The following TTN variants were observed in gnomAD, a reference collection of about 807,000 sequenced individuals.
TTN encodes connectin.
In TTN, 1,525 loss-of-function variants were observed where a neutral mutation model predicts 3,223.0. That is an observed-to-expected ratio of 0.47 (90% CI 0.45 to 0.49). The LOEUF is 0.49. Ranked by LOEUF, TTN falls within the 20% of genes least tolerant of loss-of-function variation. TTN has a pLI of 0.00. For synonymous variants in TTN, 14,094 were observed against 15,161.0 expected, an observed-to-expected ratio of 0.93 and a Z score of 5.17; for missense variants, 40,786 against 43,424.0, an observed-to-expected ratio of 0.94 and a Z score of 5.40.
Position 178,647,045 on chromosome 2 carries a change from T to G in TTN, c.40222+19A>C. The G allele has an allele frequency of 1.3e-6, 1 of 790,732 alleles. No homozygotes were observed. Among genetic ancestry groups the G allele is most frequent in the Non-Finnish European group, 1.7e-6 (1 of 589,444 alleles). 49.0% of individuals were successfully genotyped at this position (790,732 alleles called of 1,614,324 possible). ...CTTCAGGAGATTAAAAAAATGTATATATATATATATATATATACCTTCAAC... is the reference window on the plus strand; with the variant it reads ...CTTCAGGAGATTAAAAAAATGTATAGATATATATATATATATACCTTCAAC... On this transcript the variant is annotated intron_variant, in intron 215 of 362. Coordinates refer to ENST00000589042, the MANE Select transcript of TTN (RefSeq NM_001267550.2).
chr2:178,654,657 T>C, intron 191 of TTN, 88 bp downstream of exon 191: 1 of 548,938 alleles, frequency 1.8e-6, no homozygotes. Flanking sequence ...AATTATATCA[T>C]CTTTATGTAG....
At chr2:178,771,711 G>A (rs1023526899) in intron 33 of TTN, among the ~76,000 whole-genome samples, 3 of 152,122 alleles carry the variant, frequency 2.0e-5, no homozygotes, top group Non-Finnish European at 4.4e-5. Flanking sequence ...AAAAATAACT[G>A]TTGAATTAAT....
At position 178,734,616 on chromosome 2, in the gene TTN, C is replaced by T; in HGVS notation, c.15218-10G>A. 6.4e-7 allele frequency: 1 copy of T among 1,560,210 alleles called. No individual in the cohort carries two copies. On this transcript the variant is annotated splice_polypyrimidine_tract_variant and intron_variant, in intron 51 of 362. Coordinates refer to ENST00000589042, the MANE Select transcript of TTN (RefSeq NM_001267550.2). The stretch of plus-strand genomic sequence containing the variant: ...ATGAAAGAAGGAGGTTCTACAAAAG[C>T]ATGAAAGCATTGTGTAAGTAATGGG...
At chr2:178,650,313 A>C in intron 209 of TTN, 42 bp from the exon 210 acceptor site, 1 of 1,476,728 alleles carries the variant, frequency 6.8e-7, no homozygotes, top group Non-Finnish European at 9.2e-7. Flanking sequence ...GTATGGAACA[A>C]TATTCTAAGA....
In TTN at chr2:178,577,119, A is replaced by C. The variant is rs374117511; in HGVS notation, c.69216T>G (p.Ile23072Met). The C allele has an allele frequency of 1.7e-5, 27 of 1,613,070 alleles. No individual in the cohort carries two copies. Among genetic ancestry groups the C allele is most frequent in the Non-Finnish European group, 1.9e-5 (23 of 1,179,546 alleles). Residue 23072 changes from isoleucine to methionine, a missense_variant, in exon 324 of 363, where the codon ATT (isoleucine) becomes ATG (methionine). Coordinates refer to ENST00000589042, the MANE Select transcript of TTN (RefSeq NM_001267550.2). ...CTCTCTTTTCAAGTATATAGGACTTAATTGGTGAGCCGCCATCTTCCAAGG... is the reference window on the plus strand; with the variant it reads ...CTCTCTTTTCAAGTATATAGGACTTCATTGGTGAGCCGCCATCTTCCAAGG... The part of the protein sequence containing the change: ...TPPLEDGGSP[I>M]KSYILEKRET...
rs557142148 is a variant in TTN at position 178,615,074 on chromosome 2, T to C, written c.48639-106A>G. The C allele has an allele frequency of 1.9e-5, 20 of 1,074,672 alleles. No individual in the cohort carries two copies. The East Asian group carries it at 4.9e-4, about 26-fold the overall frequency. The allele number at this position is 1,074,672 out of a possible 1,614,324, so 66.6% of individuals were successfully genotyped here. ...TCAAACCCCTGGTATAATACTAGTC[T>C]TTAAATTAAACCTGGATTACTTCAA... On this transcript the variant is annotated intron_variant, in intron 259 of 362. Transcript: ENST00000589042.
chr2:178,684,585 G>T, intron 131 of TTN, 81 bp downstream of exon 131: 1 of 1,466,174 alleles, frequency 6.8e-7, no homozygotes, highest in Non-Finnish European at 9.4e-7. Flanking sequence ...CATATAAACA[G>T]TATGACCCAA....
rs1171386609 is a variant in TTN, at chr2:178,605,135, A to G, written c.54042T>C (p.Leu18014=). The change falls in exon 280 of 363, where the codon CTT becomes CTC. Residue 18014 remains leucine (L), a synonymous_variant. Transcript: ENST00000589042. ...ETVIEKPTDA[L]QITKEEVSRS... The stretch of plus-strand genomic sequence containing the variant: ...GGGATACCTCTTCCTTGGTTATCTG[A>G]AGTGCATCAGTGGGTTTTTCAATTA... 3.1e-6 allele frequency: 5 copies of G among 1,612,534 alleles called. No homozygotes were observed. Among genetic ancestry groups the G allele is most frequent in the Non-Finnish European group, 4.2e-6 (5 of 1,179,172 alleles).
rs1323161898 is a variant in TTN, at chr2:178,561,018, C to T, written c.85114G>A (p.Gly28372Arg). ...TCTGCATTTATCTTAAGGACCTCTC[C>T]AGCTTTGACAACAATAACGTCTCGG... ...KFRDVIVVKA[G>R]EVLKINADIA... The change falls in exon 326 of 363, where the codon GGA (glycine) becomes AGA (arginine). Residue 28372 changes from glycine (G) to arginine (R), a missense_variant. Coordinates refer to ENST00000589042, the MANE Select transcript of TTN (RefSeq NM_001267550.2). 1 of 1,613,860 alleles carries T rather than the reference C, an allele frequency of 6.2e-7. No individual in the cohort carries two copies. The highest frequency in any genetic ancestry group is 1.1e-5 in the South Asian group (1 of 91,076).
In TTN at chr2:178,750,170, C is replaced by T. The variant is rs536436853; in HGVS notation, c.11311+2954G>A. On this transcript the variant is annotated intron_variant, in intron 47 of 362. Coordinates refer to ENST00000589042, the MANE Select transcript of TTN (RefSeq NM_001267550.2). ...TTTTAACAAATGAAGATTTGTTTGG[C>T]CCTCTTGACTCATAGATGGATGGGC... is the stretch of plus-strand genomic sequence containing the variant. 1.9e-6 allele frequency: 3 copies of T among 1,613,108 alleles called. No homozygotes were observed. Among genetic ancestry groups the T allele is most frequent in the African/African-American group, 1.3e-5 (1 of 74,952 alleles).
chr2:178,564,235 G>A lies in TTN; in HGVS notation c.81897C>T (p.Ile27299=), dbSNP rs786205376. Residue 27299 remains isoleucine (I), a synonymous_variant, in exon 326 of 363, where the codon ATC becomes ATT. Coordinates refer to ENST00000589042, the MANE Select transcript of TTN (RefSeq NM_001267550.2). ...CAACATCAGGTATAGGTTTGCCACGGATGTCGGCTTCAAGAACAAAAGTCT... is the reference window on the plus strand; with the variant it reads ...CAACATCAGGTATAGGTTTGCCACGAATGTCGGCTTCAAGAACAAAAGTCT... ...AGETFVLEAD[I]RGKPIPDVVW... The A allele has an allele frequency of 1.2e-6, 2 of 1,613,258 alleles. No individual in the cohort carries two copies. The highest frequency in any genetic ancestry group is 1.7e-5 in the Admixed American group (1 of 60,004).
chr2:178,547,369 T>C (rs1286965216), intron 339 of TTN, 38 bp downstream of exon 339: 1 of 1,579,188 alleles, frequency 6.3e-7, no homozygotes, highest in South Asian at 1.2e-5. Context: ...AAACATTTAA[T>C]AATAGAGACT....
At position 178,711,133 on chromosome 2, in the gene TTN, G is replaced by T. The variant is rs1299434800; in HGVS notation, c.28103C>A (p.Ala9368Glu). The T allele has an allele frequency of 6.2e-6, 10 of 1,613,834 alleles. No individual in the cohort carries two copies. The highest frequency in any genetic ancestry group is 8.5e-6 in the Non-Finnish European group (10 of 1,179,788). Residue 9368 changes from alanine (A) to glutamate (E), a missense_variant, in exon 97 of 363, where the codon GCA becomes GAA. By Grantham distance (107) the Ala-to-Glu change is moderately radical. Coordinates refer to ENST00000589042, the MANE Select transcript of TTN (RefSeq NM_001267550.2). ...LNIFKTDRSL[A>E]GQYSCTATNP... ...TGTAGCTGTGCAGGAATACTGGCCTGCAAGGCTCCGGTCAGTTTTAAAAAT... is the reference window on the plus strand; with the variant it reads ...TGTAGCTGTGCAGGAATACTGGCCTTCAAGGCTCCGGTCAGTTTTAAAAAT...
intron 142 of TTN, 121 bp downstream of exon 142, chr2:178,679,218 G>A (rs2068764652): frequency 2.0e-6 from 2 of 1,023,622 alleles, no homozygotes; most frequent in Non-Finnish European, 2.9e-6. Flanking sequence ...CAGTTGAGAG[G>A]CGCTTGTCAT....
rs397517484 is a variant in TTN at position 178,731,558 on chromosome 2, G to A, written c.17208C>T (p.Ile5736=). 5.0e-6 allele frequency: 8 copies of A among 1,607,756 alleles called. No individual in the cohort carries two copies. The highest frequency in any genetic ancestry group is 2.2e-5 in the East Asian group (1 of 44,662). Residue 5736 remains isoleucine, a synonymous_variant, in exon 59 of 363, where the codon ATC becomes ATT. Transcript: ENST00000589042. ...LREPPSFIKK[I]ESTSSLRGGT... ...CTCCCCGGAGGGAGCTGGTACTCTCGATCTTCTTTATGAAGGATGGGGGTT... is the reference window on the plus strand; with the variant it reads ...CTCCCCGGAGGGAGCTGGTACTCTCAATCTTCTTTATGAAGGATGGGGGTT...
intron 43 of TTN, 26 bp downstream of exon 43, chr2:178,764,151 A>G: frequency 1.9e-6 from 3 of 1,614,088 alleles, no homozygotes; most frequent in Non-Finnish European, 2.5e-6. Context: ...AGTATTGGCA[A>G]TGACACCTTT....
chr2:178,595,472 A>C, intron 295 of TTN, 35 bp downstream of exon 295: 1 of 1,531,476 alleles, frequency 6.5e-7, no homozygotes, highest in Non-Finnish European at 8.8e-7. Flanking sequence ...TGAGTAAAGA[A>C]GTGATTAAGT....
Position 178,616,640 on chromosome 2 carries a change from A to T in TTN, c.48161-10T>A. On this transcript the variant is annotated splice_polypyrimidine_tract_variant and intron_variant, in intron 256 of 362. Coordinates refer to ENST00000589042, the MANE Select transcript of TTN (RefSeq NM_001267550.2). Reference sequence around the variant, plus strand: ...GGTGCACTTGGGCGAGCTGAAAAAAAATGCACTCACGAGTCACTGTTAATA... The same window carrying T: ...GGTGCACTTGGGCGAGCTGAAAAAATATGCACTCACGAGTCACTGTTAATA... The T allele has an allele frequency of 6.2e-7, 1 of 1,612,198 alleles. No homozygotes were observed. The highest frequency in any genetic ancestry group is 8.5e-7 in the Non-Finnish European group (1 of 1,178,940).
chr2:178,704,147 C>T lies in TTN; in HGVS notation c.30223G>A (p.Ala10075Thr). ...AAGGACTCCATAGTGTTTCACGCAC[C>T]TTCGATTCTGAGTTCTGCTGAAGTT... ...LETSAELRIEAEPIQFTKRIQ... is the reference protein window; with the variant it reads ...LETSAELRIETEPIQFTKRIQ... The change falls in exon 106 of 363, where the codon GCT becomes ACT. Residue 10075 changes from alanine (A) to threonine (T), a missense_variant and splice_region_variant. Transcript: ENST00000589042. The T allele has an allele frequency of 1.9e-6, 3 of 1,613,502 alleles. No individual in the cohort carries two copies. Among genetic ancestry groups the T allele is most frequent in the South Asian group, 2.2e-5 (2 of 91,072 alleles).
Sources: allele counts gnomAD v4.1 joint callset (sites outside exome capture counted in the v4.1 genomes callset), GRCh38; gene constraint gnomAD v4.1.1; transcripts MANE v1.5; gene names NCBI Gene and HGNC (gene_info 2026-07-23, HGNC 2026-07-21).